STXBP5L: variants seen among roughly 807,000 people sequenced by gnomAD.
STXBP5L encodes the protein syntaxin-binding protein 5-like.
Under a neutral mutation model 144.5 loss-of-function variants are expected in STXBP5L, and 65 were observed. That is an observed-to-expected ratio of 0.45 (90% CI 0.37 to 0.55). The LOEUF (loss-of-function observed/expected upper bound fraction) is 0.55, where lower values mean the gene tolerates loss of function less well. Among genes scored for constraint, STXBP5L ranks in the 20% least tolerant of loss-of-function variants. STXBP5L has a pLI of 0.00. For synonymous variants in STXBP5L, 505 were observed against 469.6 expected (o/e 1.08, Z -0.97); for missense variants, 1,298 against 1,405.5 (o/e 0.92, Z 1.22).
intron 19 of STXBP5L, among the ~76,000 whole-genome samples, chr3:121,292,569 A>G (rs1328612825): frequency 6.6e-6 from 1 of 152,228 alleles, no homozygotes; most frequent in Non-Finnish European, 1.5e-5. Flanking sequence ...AAGTCATTAT[A>G]TGAAAAAGAC....
chr3:121,137,215 C>T (rs2045299102), intron 7 of STXBP5L, among the ~76,000 whole-genome samples: 1 of 151,792 alleles, frequency 6.6e-6, no homozygotes, highest in East Asian at 1.9e-4. Flanking sequence ...GCACACGTAC[C>T]CCTTAAACCT....
chr3:121,117,543 A>G (rs1209105304), intron 6 of STXBP5L, among the ~76,000 whole-genome samples: 2 of 151,806 alleles, frequency 1.3e-5, no homozygotes, highest in African/African-American at 4.8e-5. Context: ...ATATGTGTCA[A>G]GTGTATGGGA....
chr3:121,080,394 T>A (rs57353999), intron 5 of STXBP5L, among the ~76,000 whole-genome samples: 17,395 of 152,120 alleles, frequency 0.11, 1,611 homozygotes, highest in African/African-American at 0.23. Flanking sequence ...TGTTTTTTTT[T>A]AAATTGTGTT....
chr3:121,126,328 A>C (rs3914742), intron 7 of STXBP5L, among the ~76,000 whole-genome samples: 15,113 of 152,156 alleles, frequency 0.099, 1,181 homozygotes, highest in Admixed American at 0.2. Context: ...AGCAGTTGGG[A>C]TGCAAAGCCT....
At chr3:120,979,219 T>A (rs533402770) in intron 3 of STXBP5L, among the ~76,000 whole-genome samples, 1 of 152,352 alleles carries the variant, frequency 6.6e-6, no homozygotes, top group African/African-American at 2.4e-5. Context: ...GCTTCCCGGC[T>A]GCTTTGTTTA....
intron 14 of STXBP5L, among the ~76,000 whole-genome samples, chr3:121,245,915 G>A (rs2049835866): frequency 6.6e-6 from 1 of 152,162 alleles, no homozygotes; most frequent in Non-Finnish European, 1.5e-5. Context: ...CAGGGTATTT[G>A]AAAAACACTA....
intron 5 of STXBP5L, among the ~76,000 whole-genome samples, chr3:121,080,625 G>C: frequency 6.6e-6 from 1 of 152,272 alleles, no homozygotes; most frequent in South Asian, 2.1e-4. Flanking sequence ...CAATTATTTT[G>C]TTTAAGGAGG....
At chr3:121,052,036 C>T (rs966919773) in intron 5 of STXBP5L, among the ~76,000 whole-genome samples, 9 of 152,184 alleles carry the variant, frequency 5.9e-5, no homozygotes, top group South Asian at 4.2e-4. Flanking sequence ...ACCAGGGAGA[C>T]GTTGAATATC....
chr3:121,395,491 C>T (rs919434713), intron 22 of STXBP5L, among the ~76,000 whole-genome samples: 7 of 151,922 alleles, frequency 4.6e-5, no homozygotes, highest in Non-Finnish European at 8.8e-5. Context: ...AATATTCTTG[C>T]ATTTTTTTCT....
chr3:121,295,302 C>CT (rs764325861), intron 19 of STXBP5L, among the ~76,000 whole-genome samples: 29 of 151,748 alleles, frequency 1.9e-4, no homozygotes, highest in Non-Finnish European at 2.9e-4. Flanking sequence ...TATAGACAGA[C>CT]TTTTTTTAAA....
intron 9 of STXBP5L, among the ~76,000 whole-genome samples, chr3:121,191,511 C>A (rs2047682062): frequency 1.3e-5 from 2 of 151,948 alleles, no homozygotes; most frequent in Non-Finnish European, 2.9e-5. Flanking sequence ...CTCGGCTGGG[C>A]ATCAGAGGGA....
rs1279175952 is a variant in STXBP5L at position 121,255,182 on chromosome 3, A to G, written c.1659+70A>G. The G allele has an allele frequency of 1.3e-5, 16 of 1,200,854 alleles. No homozygotes were observed. The East Asian group carries it at 2.6e-4, about 19-fold the overall frequency. The allele number at this position is 1,200,854 out of a possible 1,614,324, so 74.4% of individuals were successfully genotyped here. A position where few individuals can be genotyped will look rare whatever the true frequency, so the allele number is the denominator to read the frequency against. ...GAAAGCTATTATCATAGATTTGACTACTACTTGGTATGGTTTCCATGAAGT... is the reference window on the plus strand; with the variant it reads ...GAAAGCTATTATCATAGATTTGACTGCTACTTGGTATGGTTTCCATGAAGT... On this transcript the variant is annotated intron_variant, in intron 16 of 26. Transcript: ENST00000471454.
intron 22 of STXBP5L, among the ~76,000 whole-genome samples, chr3:121,390,476 A>G (rs946611425): frequency 6.6e-6 from 1 of 152,154 alleles, no homozygotes; most frequent in African/African-American, 2.4e-5. Flanking sequence ...CAGTTTCTTC[A>G]TAGCATCAAT....
chr3:121,180,033 A>G (rs182322181), intron 9 of STXBP5L, among the ~76,000 whole-genome samples: 9 of 152,334 alleles, frequency 5.9e-5, no homozygotes, highest in Admixed American at 3.9e-4. Context: ...ATTGAGGAAA[A>G]CTTTCCCGGC....
rs1361010056 is a variant in STXBP5L at position 121,421,194 on chromosome 3, C to T, written c.*2097C>T. On this transcript the variant is annotated 3_prime_UTR_variant, in exon 27 of 27. Transcript: ENST00000471454. ...CTGATTTTCAGAACAAATACTTTAT[C>T]GTTTCTGTATTTTAAAAAAAACTAA... The T allele has an allele frequency of 1.3e-5, 2 of 151,820 alleles. No homozygotes were observed. Among genetic ancestry groups the T allele is most frequent in the African/African-American group, 4.8e-5 (2 of 41,352 alleles). 9.4% of individuals were successfully genotyped at this position (151,820 alleles called of 1,614,324 possible). A position where few individuals can be genotyped will look rare whatever the true frequency, so the allele number is the denominator to read the frequency against.
chr3:121,036,772 A>ATTTTTTTTT (rs3863971), intron 3 of STXBP5L, among the ~76,000 whole-genome samples: 8 of 122,176 alleles, frequency 6.5e-5, no homozygotes, highest in Non-Finnish European at 1.0e-4. Context: ...ACATTGATTG[A>ATTTTTTTTT]TTTTTTTTTT....
intron 20 of STXBP5L, among the ~76,000 whole-genome samples, chr3:121,339,110 A>G (rs2044615297): frequency 3.3e-5 from 5 of 152,100 alleles, no homozygotes; most frequent in Admixed American, 2.0e-4. Context: ...CAAACAAAAA[A>G]CAAAAAAACA....
In STXBP5L at chr3:121,120,903, A is replaced by G. The variant is rs1201626420; in HGVS notation, c.606-738A>G. 2.0e-5 allele frequency among the ~76,000 whole-genome samples: 3 copies of G among 151,264 alleles called. No homozygotes were observed. The East Asian group carries it at 5.8e-4, about 29-fold the overall frequency. On this transcript the variant is annotated intron_variant, in intron 6 of 26. Coordinates refer to ENST00000471454, the MANE Select transcript of STXBP5L (RefSeq NM_001308330.2). Reference sequence around the variant, plus strand: ...CCCTTGTTATATCAGATCAGATCATATTTAATCATGACATAATCATTTTCA... The same window carrying G: ...CCCTTGTTATATCAGATCAGATCATGTTTAATCATGACATAATCATTTTCA...
chr3:121,212,061 G>A (rs2048595878), intron 10 of STXBP5L, among the ~76,000 whole-genome samples: 2 of 152,124 alleles, frequency 1.3e-5, no homozygotes, highest in Admixed American at 6.5e-5. Context: ...AGATGAGGTT[G>A]TTTGTTGTTT....
Sources: gnomAD v4.1 joint callset for allele counts (sites outside exome capture counted in the v4.1 genomes callset) on GRCh38, gnomAD v4.1.1 for gene constraint, MANE v1.5 for transcripts, NCBI Gene and HGNC (gene_info 2026-07-23, HGNC 2026-07-21) for gene names.